PRKG2: variants seen among roughly 807,000 people sequenced by gnomAD.
PRKG2 encodes cGMP-dependent protein kinase 2.
In PRKG2, 33 loss-of-function variants were observed where a neutral mutation model predicts 97.2. The observed-to-expected ratio is 0.34, with a 90% CI of 0.26 to 0.45. The LOEUF (loss-of-function observed/expected upper bound fraction) is 0.45. Among genes scored for constraint, PRKG2 ranks in the 20% least tolerant of loss-of-function variants. The pLI, the probability that PRKG2 is intolerant of heterozygous loss-of-function variation, is 1.00. For synonymous variants in PRKG2, 330 were observed against 321.8 expected (o/e 1.03, Z -0.27); for missense variants, 638 against 900.0 (o/e 0.71, Z 3.73).
intron 17 of PRKG2, among the ~76,000 whole-genome samples, chr4:81,093,323 T>C (rs1741773039): frequency 6.6e-6 from 1 of 150,688 alleles, no homozygotes; most frequent in African/African-American, 2.4e-5. Context: ...GAGATCTTCC[T>C]TGGCCATCCA....
At chr4:81,200,950 G>A (rs1015757555) in intron 2 of PRKG2, among the ~76,000 whole-genome samples, 7 of 152,128 alleles carry the variant, frequency 4.6e-5, no homozygotes, top group African/African-American at 7.2e-5. Context: ...CCTACAAAGA[G>A]CTATGATATA....
intron 14 of PRKG2, among the ~76,000 whole-genome samples, chr4:81,112,137 T>G (rs1744054894): frequency 6.6e-6 from 1 of 152,204 alleles, no homozygotes; most frequent in African/African-American, 2.4e-5. Context: ...TACTGATTGC[T>G]TTTAGTATTT....
chr4:81,110,707 C>T, intron 14 of PRKG2, 96 bp from the exon 15 acceptor site: 4 of 1,292,026 alleles, frequency 3.1e-6, no homozygotes, highest in East Asian at 2.4e-5. Context: ...TTCTACACCC[C>T]ACCCTTCTTT....
chr4:81,095,892 G>A lies in PRKG2; in HGVS notation c.2127-3440C>T, dbSNP rs118153833. On this transcript the variant is annotated intron_variant, in intron 17 of 18. Coordinates refer to ENST00000264399, the MANE Select transcript of PRKG2 (RefSeq NM_006259.3). ...TCACACAAATTTTGGAGTTCCCAGT[G>A]CATATAAAAGTTATGTTTAAACTAA... Among the ~76,000 whole-genome samples, 321 of 152,276 alleles carry A rather than the reference G, an allele frequency of 2.1e-3. 4 individuals are homozygous for A. Among genetic ancestry groups the A allele is most frequent in the Admixed American group, 0.019 (293 of 15,280 alleles).
At chr4:81,205,490 A>G (rs1305495363) in intron 1 of PRKG2, among the ~76,000 whole-genome samples, 1 of 152,236 alleles carries the variant, frequency 6.6e-6, no homozygotes, top group Non-Finnish European at 1.5e-5. Context: ...ATAGCTCCCC[A>G]TGCGGCAACA....
intron 2 of PRKG2, among the ~76,000 whole-genome samples, chr4:81,181,034 T>A (rs1438123633): frequency 7.2e-6 from 1 of 138,250 alleles, no homozygotes; most frequent in Non-Finnish European, 1.5e-5. Flanking sequence ...CCTTCCTGTG[T>A]CCATGTGTTC....
intron 9 of PRKG2, among the ~76,000 whole-genome samples, chr4:81,146,778 T>C (rs1461761701): frequency 6.6e-6 from 1 of 152,114 alleles, no homozygotes; most frequent in Non-Finnish European, 1.5e-5. Context: ...AATAAAACAA[T>C]CAAGGTATTA....
At chr4:81,116,880 A>G (rs1047086652) in intron 14 of PRKG2, among the ~76,000 whole-genome samples, 1 of 151,090 alleles carries the variant, frequency 6.6e-6, no homozygotes, top group Non-Finnish European at 1.5e-5. Flanking sequence ...TCTTCTTGTC[A>G]ATTTGTTTAA....
At chr4:81,184,062 T>G (rs1560611154) in intron 2 of PRKG2, among the ~76,000 whole-genome samples, 2 of 152,146 alleles carry the variant, frequency 1.3e-5, no homozygotes, top group African/African-American at 4.8e-5. Flanking sequence ...CAGCAGTAAG[T>G]GCAGCTTCAG....
chr4:81,098,929 G>T (rs1742412337), intron 17 of PRKG2, among the ~76,000 whole-genome samples: 1 of 152,196 alleles, frequency 6.6e-6, no homozygotes, highest in African/African-American at 2.4e-5. Flanking sequence ...TTGATGCAGG[G>T]TTATCACAAA....
chr4:81,209,538 T>C (rs1451713807), intron 1 of PRKG2, among the ~76,000 whole-genome samples: 1 of 152,034 alleles, frequency 6.6e-6, no homozygotes, highest in East Asian at 1.9e-4. Context: ...GTGTCAATAA[T>C]GGAAGAAAAA....
chr4:81,142,086 G>C (rs578148754), intron 11 of PRKG2, among the ~76,000 whole-genome samples: 1 of 152,286 alleles, frequency 6.6e-6, no homozygotes, highest in Non-Finnish European at 1.5e-5. Flanking sequence ...ACCCAGTAAG[G>C]CCACAGATCT....
chr4:81,188,160 T>C (rs1468259760), intron 2 of PRKG2, among the ~76,000 whole-genome samples: 1 of 151,754 alleles, frequency 6.6e-6, no homozygotes, highest in Non-Finnish European at 1.5e-5. Context: ...TACAATGAAC[T>C]CAAACAAATT....
rs1743807955 is a variant in PRKG2, at chr4:81,110,664, C to A, written c.1777-53G>T. 1.9e-6 allele frequency: 3 copies of A among 1,594,762 alleles called. No individual in the cohort carries two copies. In the East Asian group the frequency reaches 6.7e-5, roughly 36 times the overall value. ...CAGAAACCATAAAACTCATGCTCCT[C>A]TTTAAGCCTCCCTCTTACCTCTGAA... On this transcript the variant is annotated intron_variant, in intron 14 of 18. Transcript: ENST00000264399.
intron 18 of PRKG2, among the ~76,000 whole-genome samples, chr4:81,090,437 C>T (rs1273875842): frequency 4.0e-5 from 6 of 151,898 alleles, no homozygotes; most frequent in African/African-American, 9.7e-5. Context: ...AATCTGCTAG[C>T]GTTCTTCTTC....
chr4:81,174,980 T>A (rs946830233), intron 2 of PRKG2, 21 bp from the exon 3 acceptor site: 37 of 1,558,750 alleles, frequency 2.4e-5, no homozygotes, highest in Non-Finnish European at 3.1e-5. Flanking sequence ...GGAAAAGAGA[T>A]GTTAGTTACA....
chr4:81,092,484 G>GGAAGGAAGGAAA, intron 17 of PRKG2, 32 bp from the exon 18 acceptor site: 2 of 937,774 alleles, frequency 2.1e-6, no homozygotes, highest in Non-Finnish European at 3.3e-6. Context: ...AAGGAAGGAA[G>GGAAGGAAGGAAA]GAAGGAAGGA....
At chr4:81,212,961 C>A (rs564485040) in intron 1 of PRKG2, among the ~76,000 whole-genome samples, 4 of 152,244 alleles carry the variant, frequency 2.6e-5, no homozygotes, top group African/African-American at 9.6e-5. Context: ...AAAATGATTT[C>A]AATGTTTTGA....
intron 10 of PRKG2, 64 bp from the exon 11 acceptor site, chr4:81,143,011 A>G: frequency 1.3e-6 from 2 of 1,501,234 alleles, no homozygotes; most frequent in Non-Finnish European, 1.8e-6. Context: ...CATGCCATAC[A>G]TAAATTTCAC....
Sources: gnomAD v4.1 joint callset for allele counts (sites outside exome capture counted in the v4.1 genomes callset) on GRCh38, gnomAD v4.1.1 for gene constraint, MANE v1.5 for transcripts, NCBI Gene and HGNC (gene_info 2026-07-23, HGNC 2026-07-21) for gene names.